Variants in TNFRSF8 observed in about 807,000 individuals in gnomAD.
The protein encoded by TNFRSF8 is TNF receptor superfamily member 8.
Under a neutral mutation model 70.8 loss-of-function variants are expected in TNFRSF8, and 26 were observed. That is an observed-to-expected ratio of 0.37 (90% CI 0.27 to 0.51). TNFRSF8 has a LOEUF of 0.51. Ranked by LOEUF, TNFRSF8 falls within the 20% of genes least tolerant of loss-of-function variation. The pLI is 0.94. For missense variants in TNFRSF8, 720 were observed against 807.9 expected (o/e 0.89, Z 1.32); for synonymous variants, 356 against 339.2 (o/e 1.05, Z -0.54).
intron 8 of TNFRSF8, among the ~76,000 whole-genome samples, chr1:12,117,777 G>A (rs4846094): frequency 0.029 from 4,481 of 152,178 alleles, 120 homozygotes; most frequent in South Asian, 0.042. Context: ...GACGTTTAGG[G>A]TATCCCTCAC....
chr1:12,142,762 A>AC lies in TNFRSF8; in HGVS notation c.*232dup. On this transcript the variant is annotated 3_prime_UTR_variant, in exon 15 of 15. Transcript: ENST00000263932. The surrounding 1 kb of genome is among the most constrained non-coding windows in gnomAD (Gnocchi z 5.0). Reference sequence around the variant, plus strand: ...GGGATCCGGGGCTTGTACAGAAGAGACAGTCCAAGGGGACTGGATCCCAGC... The same window carrying AC: ...GGGATCCGGGGCTTGTACAGAAGAGACCAGTCCAAGGGGACTGGATCCCAGC... 1.7e-6 allele frequency: 1 copy of AC among 573,646 alleles called. No homozygotes were observed. Among genetic ancestry groups the AC allele is most frequent in the Non-Finnish European group, 3.0e-6 (1 of 328,694 alleles). The allele number at this position is 573,646 out of a possible 1,614,324, so 35.5% of individuals were successfully genotyped here.
chr1:12,126,175 C>A lies in TNFRSF8; in HGVS notation c.1256-8C>A, dbSNP rs201255682. On this transcript the variant is annotated splice_region_variant and splice_polypyrimidine_tract_variant and intron_variant, in intron 11 of 14. Transcript: ENST00000263932. ...CCACCCCCAGCCTTCCTCCTGGTGT[C>A]GTTTCAGAGCTCCACCTGTGCTACC... 6.2e-7 allele frequency: 1 copy of A among 1,614,118 alleles called. No homozygotes were observed. Among genetic ancestry groups the A allele is most frequent in the Non-Finnish European group, 8.5e-7 (1 of 1,180,018 alleles).
chr1:12,132,516 A>G (rs1642066647), intron 12 of TNFRSF8, among the ~76,000 whole-genome samples: 1 of 152,176 alleles, frequency 6.6e-6, no homozygotes, highest in African/African-American at 2.4e-5. Context: ...GGGGAAGAAG[A>G]CCACAGAGGT....
chr1:12,079,751 C>T (rs962461391), intron 1 of TNFRSF8, among the ~76,000 whole-genome samples: 1 of 152,174 alleles, frequency 6.6e-6, no homozygotes, highest in Non-Finnish European at 1.5e-5. Flanking sequence ...AGCCCCTCCG[C>T]ACAGCAAGAA....
intron 6 of TNFRSF8, 59 bp from the exon 7 acceptor site, chr1:12,111,839 G>A: frequency 1.4e-6 from 2 of 1,418,000 alleles, no homozygotes; most frequent in Non-Finnish European, 2.0e-6. Flanking sequence ...AGGGTTGGGT[G>A]GGGAGTGAGG....
intron 1 of TNFRSF8, among the ~76,000 whole-genome samples, chr1:12,064,768 C>G (rs1006516322): frequency 2.6e-5 from 4 of 152,166 alleles, no homozygotes; most frequent in African/African-American, 9.7e-5. Flanking sequence ...AGGTATTCCC[C>G]CTTTCCCCCC....
Position 12,110,925 on chromosome 1 carries a change from C to T in TNFRSF8, c.676+721C>T, listed in dbSNP as rs1641618922. On this transcript the variant is annotated intron_variant, in intron 6 of 14. Transcript: ENST00000263932. This position sits in a 1 kb window ranked among gnomAD's most constrained non-coding sequence, Gnocchi z 4.0. Reference sequence around the variant, plus strand: ...CTAGTCCCATTTTATTACTGAATAGCCCTCCATGGCGTAGATATGCCGAGC... The same window carrying T: ...CTAGTCCCATTTTATTACTGAATAGTCCTCCATGGCGTAGATATGCCGAGC... 6.6e-6 allele frequency among the ~76,000 whole-genome samples: 1 copy of T among 152,118 alleles called. No homozygotes were observed. Among genetic ancestry groups the T allele is most frequent in the Non-Finnish European group, 1.5e-5 (1 of 68,016 alleles).
intron 9 of TNFRSF8, 49 bp downstream of exon 9, chr1:12,123,426 GT>G (rs1641870990): frequency 1.3e-6 from 2 of 1,517,598 alleles, no homozygotes; most frequent in Non-Finnish European, 1.8e-6. Context: ...GGAGGGAGCT[GT>G]CCCTGCCATG....
chr1:12,122,659 A>G (rs1415577791), intron 8 of TNFRSF8, among the ~76,000 whole-genome samples: 1 of 150,996 alleles, frequency 6.6e-6, no homozygotes, highest in Admixed American at 6.6e-5. Flanking sequence ...AAAATTAAAC[A>G]TAAATAAATA....
At chr1:12,114,560 T>C (rs1182659872) in intron 7 of TNFRSF8, among the ~76,000 whole-genome samples, 1 of 152,146 alleles carries the variant, frequency 6.6e-6, no homozygotes, top group East Asian at 1.9e-4. Context: ...CCTAATCTAC[T>C]GATGCAGTCG....
chr1:12,123,641 A>G, intron 9 of TNFRSF8, 74 bp from the exon 10 acceptor site: 1 of 1,317,106 alleles, frequency 7.6e-7, no homozygotes, highest in Non-Finnish European at 1.1e-6. Context: ...GTCTCCAGAG[A>G]AAGGGAATTA....
chr1:12,134,923 T>G (rs1642117028), intron 12 of TNFRSF8, among the ~76,000 whole-genome samples: 1 of 152,144 alleles, frequency 6.6e-6, no homozygotes, highest in African/African-American at 2.4e-5. Flanking sequence ...CCTCCTGGGC[T>G]CTGGTTGGGC....
At chr1:12,084,198 T>C (rs1239451499) in intron 1 of TNFRSF8, among the ~76,000 whole-genome samples, 1 of 152,122 alleles carries the variant, frequency 6.6e-6, no homozygotes, top group East Asian at 1.9e-4. Flanking sequence ...AAGGTGGTGA[T>C]GATTATGGTA....
intron 9 of TNFRSF8, 82 bp from the exon 10 acceptor site, chr1:12,123,633 C>T: frequency 7.9e-7 from 1 of 1,258,180 alleles, no homozygotes; most frequent in Admixed American, 2.1e-5. Context: ...GTTGCGCAGT[C>T]TCCAGAGAAA....
intron 13 of TNFRSF8, 123 bp downstream of exon 13, chr1:12,135,736 C>A (rs912736699): frequency 5.1e-6 from 7 of 1,363,622 alleles, no homozygotes; most frequent in Non-Finnish European, 6.1e-6. Context: ...ACTGGCCATT[C>A]CCCTCCCACA....
In TNFRSF8 at chr1:12,135,628, C is replaced by G; in HGVS notation, c.1335+15C>G. 1 of 1,614,010 alleles carries G rather than the reference C, an allele frequency of 6.2e-7. No individual in the cohort carries two copies. The highest frequency in any genetic ancestry group is 8.5e-7 in the Non-Finnish European group (1 of 1,179,956). On this transcript the variant is annotated intron_variant, in intron 13 of 14. Transcript: ENST00000263932. ...GGAGCTCAACGGTAAGTACCCCTCC[C>G]TTGCCCCCACCTCAGCTTCGTGCCC...
At chr1:12,093,356 G>T (rs17037598) in intron 2 of TNFRSF8, among the ~76,000 whole-genome samples, 4,291 of 152,292 alleles carry the variant, frequency 0.028, 147 homozygotes, top group African/African-American at 0.079. Flanking sequence ...GAGAGTGCAT[G>T]AAGTGAGCAA....
At chr1:12,094,815 G>A (rs1353248448) in intron 2 of TNFRSF8, among the ~76,000 whole-genome samples, 2 of 151,804 alleles carry the variant, frequency 1.3e-5, no homozygotes, top group Non-Finnish European at 2.9e-5. Flanking sequence ...TAGTAGAGAC[G>A]GGGTTTCACC....
chr1:12,127,507 C>T (rs1228920788), intron 12 of TNFRSF8, among the ~76,000 whole-genome samples: 4 of 152,266 alleles, frequency 2.6e-5, no homozygotes, highest in South Asian at 2.1e-4. Context: ...CCAAGAGCCA[C>T]GTGCTCAGCC....
Sources: allele counts gnomAD v4.1 joint callset (sites outside exome capture counted in the v4.1 genomes callset), GRCh38; gene constraint gnomAD v4.1.1; non-coding constraint Gnocchi (gnomAD v3.1); transcripts MANE v1.5; gene names NCBI Gene and HGNC (gene_info 2026-07-23, HGNC 2026-07-21).